Variants in FREM1 observed in about 807,000 individuals in gnomAD.
FREM1 encodes the protein FRAS1 related extracellular matrix 1.
Under a neutral mutation model 210.1 loss-of-function variants are expected in FREM1, and 220 were observed. That is an observed-to-expected ratio of 1.05 (90% confidence interval 0.94 to 1.17). The LOEUF (loss-of-function observed/expected upper bound fraction) is 1.17, where lower values mean the gene tolerates loss of function less well. Among genes scored for constraint, FREM1 ranks in the 50% most tolerant of loss-of-function variants. The pLI, the probability that FREM1 is intolerant of heterozygous loss-of-function variation, is 0.00. For synonymous variants in FREM1, 1,189 were observed against 980.2 expected (o/e 1.21, Z -3.98); for missense variants, 3,454 against 2,675.5 (o/e 1.29, Z -6.42).
chr9:14,855,379 T>G (rs953142713), intron 5 of FREM1, among the ~76,000 whole-genome samples: 10 of 152,100 alleles, frequency 6.6e-5, no homozygotes, highest in Admixed American at 6.5e-4. Flanking sequence ...ATAATAAAAT[T>G]GTATTTGAGG....
intron 17 of FREM1, among the ~76,000 whole-genome samples, chr9:14,807,193 G>A (rs1486247738): frequency 6.6e-6 from 1 of 152,166 alleles, no homozygotes; most frequent in African/African-American, 2.4e-5. Flanking sequence ...ACAAATGAAA[G>A]TAAGAATTGC....
chr9:14,846,503 T>C (rs1165929299), intron 7 of FREM1, among the ~76,000 whole-genome samples: 4 of 152,080 alleles, frequency 2.6e-5, no homozygotes, highest in African/African-American at 4.8e-5. Flanking sequence ...GTTCAGCACA[T>C]ATACCCCAGA....
chr9:14,861,519 T>C (rs1200008533), intron 3 of FREM1, among the ~76,000 whole-genome samples: 1 of 146,222 alleles, frequency 6.8e-6, no homozygotes, highest in African/African-American at 2.5e-5. Flanking sequence ...TTTTTTTTTT[T>C]TTTTTGAGAC....
chr9:14,891,692 A>T (rs1474603678), intron 1 of FREM1, among the ~76,000 whole-genome samples: 2 of 152,380 alleles, frequency 1.3e-5, no homozygotes, highest in East Asian at 3.9e-4. Flanking sequence ...AAGGGGAAAG[A>T]GTTAAATTTG....
intron 23 of FREM1, among the ~76,000 whole-genome samples, chr9:14,786,075 C>T (rs1850382063): frequency 5.3e-5 from 8 of 152,138 alleles, no homozygotes; most frequent in Admixed American, 5.2e-4. Context: ...TATAGGGCTT[C>T]TACTCTATGT....
rs755724341 is a variant in FREM1, at chr9:14,823,327, G to A, written c.2170C>T (p.His724Tyr). The change falls in exon 13 of 37, where the codon CAT (histidine) becomes TAT (tyrosine). Residue 724 changes from histidine (H) to tyrosine (Y), a missense_variant and splice_region_variant. Transcript: ENST00000380880. ...TALELRSFTQ[H>Y]AVNYMKVAYM... ...GCCACTTTCATATAGTTCACAGCAT[G>A]CTGCAAAGTAAGTTGAGATGGATAT... The A allele has an allele frequency of 7.4e-6, 12 of 1,611,930 alleles. No homozygotes were observed. The Admixed American group carries it at 1.8e-4, about 25-fold the overall frequency.
chr9:14,747,131 C>T, intron 33 of FREM1, 80 bp from the exon 34 acceptor site: 1 of 1,598,156 alleles, frequency 6.3e-7, no homozygotes, highest in South Asian at 1.1e-5. Context: ...TTTGGGTCTT[C>T]ATTTGTTGGG....
chr9:14,864,107 G>C (rs1032518918), intron 2 of FREM1, among the ~76,000 whole-genome samples: 4 of 152,136 alleles, frequency 2.6e-5, no homozygotes, highest in Non-Finnish European at 4.4e-5. Context: ...CTCTTGTTTT[G>C]AGAATATCTA....
rs774226612 is a variant in FREM1, at chr9:14,827,073, G to C, written c.1882-2081C>G. 3.0e-4 allele frequency among the ~76,000 whole-genome samples: 46 copies of C among 152,230 alleles called. 1 individual carries two copies. Among genetic ancestry groups the C allele is most frequent in the Non-Finnish European group, 1.0e-4 (7 of 68,046 alleles). ...TAGAACTGGGTAATGGGTACGTACA[G>C]ACTGGAAGAATTTGGAGAAGTAGGC... is the stretch of plus-strand genomic sequence containing the variant. On this transcript the variant is annotated intron_variant, in intron 10 of 36. Coordinates refer to ENST00000380880, the MANE Select transcript of FREM1 (RefSeq NM_001379081.2).
chr9:14,884,638 A>G (rs2132228999), intron 1 of FREM1, among the ~76,000 whole-genome samples: 1 of 152,320 alleles, frequency 6.6e-6, no homozygotes, highest in South Asian at 2.1e-4. Context: ...CAGCTTAACT[A>G]TATGAGCATG....
Position 14,823,207 on chromosome 9 carries a change from T to C in FREM1, c.2290A>G (p.Ile764Val), listed in dbSNP as rs982318638. 1 of 1,613,816 alleles carries C rather than the reference T, an allele frequency of 6.2e-7. No individual in the cohort carries two copies. The highest frequency in any genetic ancestry group is 2.2e-5 in the East Asian group (1 of 44,880). Residue 764 changes from isoleucine to valine, a missense_variant, in exon 13 of 37, where the codon ATC becomes GTC. Transcript: ENST00000380880. Reference sequence around the variant, plus strand: ...GGGAGGATTGTAATGTTAAAGCAGATCCCATGCAAAGTACCGCCATGTTGG... The same window carrying C: ...GGGAGGATTGTAATGTTAAAGCAGACCCCATGCAAAGTACCGCCATGTTGG... ...SNQHGGTLHG[I>V]CFNITILPVD...
At chr9:14,772,829 A>C (rs1306973782) in intron 25 of FREM1, among the ~76,000 whole-genome samples, 2 of 152,080 alleles carry the variant, frequency 1.3e-5, no homozygotes, top group Non-Finnish European at 2.9e-5. Flanking sequence ...AAATACCCAG[A>C]GTTGATACTA....
In FREM1 at chr9:14,737,248, T is replaced by C. The variant is rs11999446; in HGVS notation, c.*148A>G. 6,868 of 567,020 alleles carry C rather than the reference T, an allele frequency of 0.012. 351 individuals are homozygous for C. Among genetic ancestry groups the C allele is most frequent in the African/African-American group, 0.12 (6,213 of 52,884 alleles). 35.1% of individuals were successfully genotyped at this position (567,020 alleles called of 1,614,324 possible). A position where few individuals can be genotyped will look rare whatever the true frequency, so the allele number is the denominator to read the frequency against. On this transcript the variant is annotated 3_prime_UTR_variant, in exon 37 of 37. Transcript: ENST00000380880. The stretch of plus-strand genomic sequence containing the variant: ...ATTTATTTATCAATCTTTCTGGCAC[T>C]ATTAAAAATGTCCCATTTTCACTAG...
chr9:14,884,895 A>G (rs944152192), intron 1 of FREM1, among the ~76,000 whole-genome samples: 2 of 145,048 alleles, frequency 1.4e-5, no homozygotes, highest in East Asian at 2.0e-4. Context: ...AGTTATCAAG[A>G]TATCAATAAT....
rs145852205 is a variant in FREM1, at chr9:14,869,836, G to A, written c.-267-592C>T. ...TTTCTAAGTGAACATTCAAGTTTCT[G>A]TTTATGTGTGAAAGGGACTACGAAT... On this transcript the variant is annotated intron_variant, in intron 1 of 36. Coordinates refer to ENST00000380880, the MANE Select transcript of FREM1 (RefSeq NM_001379081.2). Among the ~76,000 whole-genome samples, 591 of 152,302 alleles carry A rather than the reference G, an allele frequency of 3.9e-3. 4 individuals carry two copies. Among genetic ancestry groups the A allele is most frequent in the African/African-American group, 0.013 (558 of 41,556 alleles).
chr9:14,768,372 A>G (rs974305730), intron 27 of FREM1, among the ~76,000 whole-genome samples: 1 of 145,754 alleles, frequency 6.9e-6, no homozygotes, highest in African/African-American at 2.5e-5. Flanking sequence ...TTTGTCTGAC[A>G]TTGCAAGTAC....
intron 31 of FREM1, among the ~76,000 whole-genome samples, chr9:14,748,113 A>T (rs184737562): frequency 1.3e-5 from 2 of 152,168 alleles, no homozygotes; most frequent in Non-Finnish European, 2.9e-5. Context: ...ATCTCACTCT[A>T]TTTCAGGGTC....
At chr9:14,829,513 G>C (rs1588223433) in intron 10 of FREM1, among the ~76,000 whole-genome samples, 5 of 152,118 alleles carry the variant, frequency 3.3e-5, no homozygotes, top group African/African-American at 1.2e-4. Flanking sequence ...TTTAGGTCAT[G>C]AGGGCTCCAC....
Position 14,746,948 on chromosome 9 carries a change from C to G in FREM1, c.6113G>C (p.Trp2038Ser), listed in dbSNP as rs755936692. The part of the protein sequence containing the change: ...QKLYQCNGIA[W>S]KAWSPQTKDV... ...CTTGGTTTGGGGACTCCAGGCTTTCCAGGCGATCCCATTGCACTGATACAG... is the reference window on the plus strand; with the variant it reads ...CTTGGTTTGGGGACTCCAGGCTTTCGAGGCGATCCCATTGCACTGATACAG... Residue 2038 changes from tryptophan (W) to serine (S), a missense_variant, in exon 34 of 37, where the codon TGG (tryptophan) becomes TCG (serine). Transcript: ENST00000380880. 6.2e-7 allele frequency: 1 copy of G among 1,613,230 alleles called. No homozygotes were observed. The highest frequency in any genetic ancestry group is 8.5e-7 in the Non-Finnish European group (1 of 1,179,680).
Sources: allele counts gnomAD v4.1 joint callset (sites outside exome capture counted in the v4.1 genomes callset), GRCh38; gene constraint gnomAD v4.1.1; transcripts MANE v1.5; gene names NCBI Gene and HGNC (gene_info 2026-07-23, HGNC 2026-07-21).